The following FBXL13 variants were observed in gnomAD, a reference collection of about 807,000 sequenced individuals.
FBXL13 encodes F-box and leucine-rich repeat protein 13.
In FBXL13, 67 loss-of-function variants were observed where a neutral mutation model predicts 83.6. The observed-to-expected ratio is 0.80, with a 90% CI of 0.66 to 0.98. The LOEUF (loss-of-function observed/expected upper bound fraction) is 0.98, where lower values mean the gene tolerates loss of function less well. Among genes scored for constraint, FBXL13 ranks in the 50% least tolerant of loss-of-function variants. The pLI, the probability that FBXL13 is intolerant of heterozygous loss-of-function variation, is 0.00. For missense variants in FBXL13, 822 were observed against 866.5 expected (o/e 0.95, Z 0.64); for synonymous variants, 272 against 299.5 (o/e 0.91, Z 0.95).
intron 17 of FBXL13, among the ~76,000 whole-genome samples, chr7:102,846,919 T>C (rs1349818208): frequency 2.0e-5 from 3 of 152,088 alleles, no homozygotes; most frequent in African/African-American, 7.2e-5. Flanking sequence ...CCAGCTAACC[T>C]GTAGTTCTTC....
At chr7:102,905,744 T>G (rs547083185) in intron 11 of FBXL13, among the ~76,000 whole-genome samples, 20 of 152,304 alleles carry the variant, frequency 1.3e-4, no homozygotes, top group African/African-American at 4.6e-4. Flanking sequence ...TCTGGTGATA[T>G]TATTTAATTT....
intron 17 of FBXL13, among the ~76,000 whole-genome samples, chr7:102,833,271 A>T (rs1170739369): frequency 1.3e-5 from 2 of 152,326 alleles, no homozygotes; most frequent in Non-Finnish European, 2.9e-5. Context: ...GTAGAAGAAA[A>T]GAAATCTGAG....
At chr7:102,812,194 A>G (rs1229094374), downstream of FBXL13, among the ~76,000 whole-genome samples, 3 of 152,248 alleles carry the variant, frequency 2.0e-5, no homozygotes, top group Non-Finnish European at 4.4e-5. Context: ...TCAGTGTTAC[A>G]TAATATCAAA....
chr7:102,955,563 C>CA (rs1222152952), intron 8 of FBXL13, among the ~76,000 whole-genome samples: 3 of 144,118 alleles, frequency 2.1e-5, no homozygotes, highest in African/African-American at 5.1e-5. Flanking sequence ...GATAGAGACA[C>CA]AAAAAACCAT....
At chr7:103,057,605 G>T (rs1198090892) in intron 1 of FBXL13, among the ~76,000 whole-genome samples, 1 of 152,176 alleles carries the variant, frequency 6.6e-6, no homozygotes. Flanking sequence ...AAAAATTGTA[G>T]CTTAGTACAC....
chr7:102,818,978 G>A (rs1179555938), intron 19 of FBXL13, among the ~76,000 whole-genome samples: 78 of 151,594 alleles, frequency 5.1e-4, no homozygotes, highest in Non-Finnish European at 4.4e-5. Flanking sequence ...ACAGGCCCCA[G>A]TGTGTGTTGT....
intron 6 of FBXL13, among the ~76,000 whole-genome samples, chr7:102,975,285 C>T (rs957663169): frequency 1.3e-5 from 2 of 152,342 alleles, no homozygotes; most frequent in Middle Eastern, 3.4e-3. Context: ...CTACCTCTTA[C>T]ATTAGAGAGT....
chr7:103,058,897 T>C (rs1797594586), intron 1 of FBXL13, among the ~76,000 whole-genome samples: 1 of 152,202 alleles, frequency 6.6e-6, no homozygotes, highest in South Asian at 2.1e-4. Flanking sequence ...GTTGAGAGGA[T>C]AAGTCTCTGA....
At chr7:102,932,676 CCT>C (rs1819449942) in intron 8 of FBXL13, among the ~76,000 whole-genome samples, 3 of 119,922 alleles carry the variant, frequency 2.5e-5, no homozygotes, top group African/African-American at 9.1e-5. Flanking sequence ...CTCACTGCAG[CCT>C]CAACCTCCCA....
At chr7:102,968,688 G>A (rs1419764538) in intron 6 of FBXL13, among the ~76,000 whole-genome samples, 4 of 152,214 alleles carry the variant, frequency 2.6e-5, no homozygotes, top group African/African-American at 9.6e-5. Context: ...ACATAATTCA[G>A]TTGTCAAGAA....
At chr7:102,870,353 T>C (rs548406013) in intron 16 of FBXL13, among the ~76,000 whole-genome samples, 5 of 152,312 alleles carry the variant, frequency 3.3e-5, no homozygotes, top group Admixed American at 3.3e-4. Context: ...AATGAATCCA[T>C]AATACAAACC....
chr7:103,004,318 A>T (rs1252882747), intron 6 of FBXL13, among the ~76,000 whole-genome samples: 2 of 152,172 alleles, frequency 1.3e-5, no homozygotes, highest in Non-Finnish European at 2.9e-5. Context: ...ACAAACATTC[A>T]GAGTGTTGCC....
intron 6 of FBXL13, chr7:102,973,790 C>G (rs751470041): frequency 1.3e-6 from 1 of 751,478 alleles, no homozygotes; most frequent in Non-Finnish European, 2.4e-6. Context: ...CCCGGGAGCC[C>G]GGTTAACAAG....
intron 11 of FBXL13, among the ~76,000 whole-genome samples, chr7:102,896,773 A>C (rs1812300615): frequency 2.0e-5 from 3 of 152,208 alleles, no homozygotes; most frequent in Non-Finnish European, 4.4e-5. Context: ...TTCCACCCTA[A>C]ATGACCTCAT....
intron 1 of FBXL13, among the ~76,000 whole-genome samples, chr7:103,063,712 CTT>C (rs34739663): frequency 7.9e-5 from 8 of 101,726 alleles, no homozygotes; most frequent in South Asian, 3.9e-4. Context: ...CAAACTTAGG[CTT>C]TTTTTTTTTT....
chr7:102,944,256 C>G lies in FBXL13; in HGVS notation c.725-12323G>C, dbSNP rs773942585. The G allele has an allele frequency of 1.9e-6, 3 of 1,611,932 alleles. No individual in the cohort carries two copies. The Admixed American group carries it at 5.0e-5, about 27-fold the overall frequency. Reference sequence around the variant, plus strand: ...ATTTAGAAGAATTAGATTTATCAAACAACAGTCTGCAAAACTTTGACTATG... The same window carrying G: ...ATTTAGAAGAATTAGATTTATCAAAGAACAGTCTGCAAAACTTTGACTATG... On this transcript the variant is annotated intron_variant, in intron 8 of 19. Transcript: ENST00000313221.
intron 6 of FBXL13, among the ~76,000 whole-genome samples, chr7:102,982,606 T>TGG (rs1828388011): frequency 6.6e-6 from 1 of 152,158 alleles, no homozygotes; most frequent in South Asian, 2.1e-4. Flanking sequence ...TCCAGGAGCA[T>TGG]GGACCCATTG....
intron 8 of FBXL13, among the ~76,000 whole-genome samples, chr7:102,948,189 G>C (rs535350509): frequency 8.8e-4 from 133 of 151,296 alleles, no homozygotes; most frequent in African/African-American, 3.1e-3. Context: ...TCAGCCTCCC[G>C]GGTAGCTGGG....
At chr7:102,812,568 T>C (rs1797488446), downstream of FBXL13, among the ~76,000 whole-genome samples, 1 of 152,186 alleles carries the variant, frequency 6.6e-6, no homozygotes, top group Non-Finnish European at 1.5e-5. Context: ...ACATTTCCTT[T>C]GAAAATATTA....
Sources: allele counts gnomAD v4.1 joint callset (sites outside exome capture counted in the v4.1 genomes callset), GRCh38; gene constraint gnomAD v4.1.1; transcripts MANE v1.5; gene names NCBI Gene and HGNC (gene_info 2026-07-23, HGNC 2026-07-21).